Variants in NEK3 observed in about 807,000 individuals in gnomAD.
The protein encoded by NEK3 is serine/threonine-protein kinase Nek3.
Under a neutral mutation model 66.0 loss-of-function variants are expected in NEK3, and 54 were observed. The observed-to-expected ratio is 0.82, with a 90% CI of 0.66 to 1.03. The LOEUF is 1.03. Ranked by LOEUF, NEK3 falls within the 50% of genes least tolerant of loss-of-function variation. The pLI is 0.00. For synonymous variants in NEK3, 200 were observed against 206.2 expected (o/e 0.97, Z 0.26); for missense variants, 593 against 603.0 (o/e 0.98, Z 0.17).
At chr13:52,156,054 G>A (rs1224050106) in intron 2 of NEK3, 21 bp downstream of exon 2, 2 of 1,462,886 alleles carry the variant, frequency 1.4e-6, no homozygotes, top group South Asian at 2.4e-5. Context: ...TTCAAAGTGA[G>A]CTAATTTCTT....
intron 14 of NEK3, among the ~76,000 whole-genome samples, chr13:52,134,561 T>C (rs991761164): frequency 3.9e-5 from 6 of 152,212 alleles, no homozygotes; most frequent in Non-Finnish European, 8.8e-5. Context: ...ATAATTACTT[T>C]TAGATTTTTC....
At chr13:52,152,269 T>C (rs1192493251) in intron 5 of NEK3, among the ~76,000 whole-genome samples, 1 of 152,174 alleles carries the variant, frequency 6.6e-6, no homozygotes, top group African/African-American at 2.4e-5. Context: ...TAATAATGCA[T>C]AGAATACTTA....
Position 52,154,115 on chromosome 13 carries a change from T to C in NEK3, c.176A>G (p.His59Arg), listed in dbSNP as rs1312152598. Reference sequence around the variant, plus strand: ...TTCTTTGAAGGCAACAATATTAGGGTGTTTCATTTTGGCTAAAAGAACAGC... The same window carrying C: ...TTCTTTGAAGGCAACAATATTAGGGCGTTTCATTTTGGCTAAAAGAACAGC... ...KEAVLLAKMK[H>R]PNIVAFKESF... is the part of the protein sequence containing the mutation. The change falls in exon 3 of 16, where the codon CAC (histidine) becomes CGC (arginine). Residue 59 changes from histidine (H) to arginine (R), a missense_variant. Coordinates refer to ENST00000610828, the MANE Select transcript of NEK3 (RefSeq NM_002498.3). 4.3e-6 allele frequency: 7 copies of C among 1,611,798 alleles called. No homozygotes were observed. The highest frequency in any genetic ancestry group is 4.0e-5 in the African/African-American group (3 of 74,880).
intron 8 of NEK3, among the ~76,000 whole-genome samples, 161 bp from the exon 9 acceptor site, chr13:52,145,052 G>T (rs190144046): frequency 1.7e-3 from 255 of 152,156 alleles, no homozygotes; most frequent in African/African-American, 6.0e-3. Context: ...ATCTTAAGGT[G>T]GCTTAGGAGA....
chr13:52,136,676 G>T, intron 12 of NEK3, 124 bp downstream of exon 12: 7 of 560,618 alleles, frequency 1.2e-5, no homozygotes, highest in Non-Finnish European at 1.9e-5. Context: ...CATTAAATAA[G>T]TTACTAGATA....
At chr13:52,151,504 G>T (rs145178896) in intron 5 of NEK3, 112 bp from the exon 6 acceptor site, 1 of 924,916 alleles carries the variant, frequency 1.1e-6, no homozygotes, top group African/African-American at 1.6e-5. Flanking sequence ...AATGCTGACA[G>T]CTGAGTCCCA....
intron 11 of NEK3, among the ~76,000 whole-genome samples, chr13:52,138,912 CAGAG>C (rs144734519): frequency 1.6e-4 from 24 of 147,964 alleles, no homozygotes; most frequent in Admixed American, 1.3e-4. Context: ...GCCTAGACAA[CAGAG>C]AGAGAGAGAG....
At position 52,135,897 on chromosome 13, in the gene NEK3, A is replaced by G. The variant is rs779589220; in HGVS notation, c.1175-34T>C. The G allele has an allele frequency of 1.4e-5, 23 of 1,595,566 alleles. No homozygotes were observed. In the East Asian group the frequency reaches 5.1e-4, roughly 36 times the overall value. On this transcript the variant is annotated intron_variant, in intron 13 of 15. Transcript: ENST00000610828. ...AAAAAGACAAAAATTAGTGCTGAAT[A>G]AAAAAAGATTTTTCAGCATGTACTT...
chr13:52,156,310 C>T, intron 1 of NEK3, 62 bp from the exon 2 acceptor site: 1 of 653,116 alleles, frequency 1.5e-6, no homozygotes, highest in Non-Finnish European at 2.7e-6. Flanking sequence ...AAAATTAATT[C>T]AAAGTAGCTC....
At chr13:52,148,303 T>A (rs1956310997) in intron 8 of NEK3, 112 bp downstream of exon 8, 1 of 1,008,986 alleles carries the variant, frequency 9.9e-7, no homozygotes, top group Non-Finnish European at 1.5e-6. Context: ...ATATACAAAC[T>A]TTTATAATGA....
chr13:52,133,137 A>C lies in NEK3; in HGVS notation c.*5T>G. The C allele has an allele frequency of 6.2e-7, 1 of 1,606,410 alleles. No individual in the cohort carries two copies. Among genetic ancestry groups the C allele is most frequent in the South Asian group, 1.1e-5 (1 of 89,030 alleles). ...CAGCGTGACTCAGGAACATTTCCTCAGGCATTATCTGTCGCACAGGCCTTG... is the reference window on the plus strand; with the variant it reads ...CAGCGTGACTCAGGAACATTTCCTCCGGCATTATCTGTCGCACAGGCCTTG... On this transcript the variant is annotated 3_prime_UTR_variant, in exon 16 of 16. Transcript: ENST00000610828.
In NEK3 at chr13:52,156,123, A is replaced by C. The variant is rs1468245474; in HGVS notation, c.69T>G (p.His23Gln). Residue 23 changes from histidine to glutamine, a missense_variant, in exon 2 of 16, where the codon CAT (histidine) becomes CAG (glutamine). Coordinates refer to ENST00000610828, the MANE Select transcript of NEK3 (RefSeq NM_002498.3). ...TGGCAAACATCTGATTACTGCTTTC[A>C]TGCTGAACCAAAAGAGCTCTGCCGA... The part of the protein sequence containing the change: ...GSFGRALLVQ[H>Q]ESSNQMFAMK... 6.2e-7 allele frequency: 1 copy of C among 1,608,510 alleles called. No individual in the cohort carries two copies. The highest frequency in any genetic ancestry group is 8.5e-7 in the Non-Finnish European group (1 of 1,177,314).
At chr13:52,148,307 A>G (rs1288269157) in intron 8 of NEK3, 108 bp downstream of exon 8, 16 of 1,033,224 alleles carry the variant, frequency 1.5e-5, no homozygotes, top group Non-Finnish European at 2.2e-5. Flanking sequence ...ACAAACTTTT[A>G]TAATGACTTC....
At position 52,136,184 on chromosome 13, in the gene NEK3, T is replaced by C. The variant is rs371075629; in HGVS notation, c.1106A>G (p.Asn369Ser). ...ATTTTCCAAAGCTGTAAGAGCTGTA[T>C]TGGGTACATTTTTCTCCCACTGTCG... ...HRRQWEKNVP[N>S]TALTALENAS... The change falls in exon 13 of 16, where the codon AAT becomes AGT. Residue 369 changes from asparagine to serine, a missense_variant. Transcript: ENST00000610828. 179 of 1,613,714 alleles carry C rather than the reference T, an allele frequency of 1.1e-4. 1 individual carries two copies. Among genetic ancestry groups the C allele is most frequent in the South Asian group, 5.6e-4 (51 of 91,080 alleles).
intron 14 of NEK3, 142 bp from the exon 15 acceptor site, chr13:52,133,957 C>T: frequency 1.3e-6 from 1 of 778,166 alleles, no homozygotes; most frequent in South Asian, 1.9e-5. Context: ...CCCCACATTA[C>T]CCAACATGAT....
chr13:52,156,416 GAGCTGAA>G (rs772205117), intron 1 of NEK3, 168 bp from the exon 2 acceptor site: 2 of 363,924 alleles, frequency 5.5e-6, no homozygotes, highest in Non-Finnish European at 1.0e-5. Flanking sequence ...GAATTGTTTT[GAGCTGAA>G]ACCAATTTGC....
chr13:52,136,336 C>T (rs1756042019), intron 12 of NEK3, 77 bp from the exon 13 acceptor site: 1 of 1,383,866 alleles, frequency 7.2e-7, no homozygotes, highest in Admixed American at 2.1e-5. Context: ...TAGACTCTAA[C>T]AAATATGGAA....
chr13:52,135,605 C>T lies in NEK3; in HGVS notation c.1309+124G>A, dbSNP rs568672058. 35 of 734,230 alleles carry T rather than the reference C, an allele frequency of 4.8e-5. No individual in the cohort carries two copies. The East Asian group carries it at 9.3e-4, about 19-fold the overall frequency. The allele number at this position is 734,230 out of a possible 1,614,324, so 45.5% of individuals were successfully genotyped here. ...TGGTGATGGCTGTACAACAATGTGA[C>T]GTACTTAGTGCTACTGAACTGTACA... On this transcript the variant is annotated intron_variant, in intron 14 of 15. Coordinates refer to ENST00000610828, the MANE Select transcript of NEK3 (RefSeq NM_002498.3).
At chr13:52,141,169 G>T in intron 10 of NEK3, 100 bp from the exon 11 acceptor site, 3 of 1,036,018 alleles carry the variant, frequency 2.9e-6, no homozygotes, top group Non-Finnish European at 4.1e-6. Context: ...AGTGAGTGAG[G>T]TTATTAAAGT....
Sources: gnomAD v4.1 joint callset for allele counts (sites outside exome capture counted in the v4.1 genomes callset) on GRCh38, gnomAD v4.1.1 for gene constraint, MANE v1.5 for transcripts, NCBI Gene and HGNC (gene_info 2026-07-23, HGNC 2026-07-21) for gene names.